ADSS1: variants seen among roughly 807,000 people sequenced by gnomAD.
The protein encoded by ADSS1 is adenylosuccinate synthase 1.
Under a neutral mutation model 59.1 loss-of-function variants are expected in ADSS1, and 57 were observed. The observed-to-expected ratio is 0.97, with a 90% CI of 0.78 to 1.20. The LOEUF (loss-of-function observed/expected upper bound fraction) is 1.20, where lower values mean the gene tolerates loss of function less well. Among genes scored for constraint, ADSS1 ranks in the 50% most tolerant of loss-of-function variants. The pLI, the probability that ADSS1 is intolerant of heterozygous loss-of-function variation, is 0.00. For missense variants in ADSS1, 603 were observed against 610.3 expected, an observed-to-expected ratio of 0.99 and a Z score of 0.13; for synonymous variants, 247 against 249.4, an observed-to-expected ratio of 0.99 and a Z score of 0.09.
At position 104,746,909 on chromosome 14, in the gene ADSS1, T is replaced by C. The variant is rs763205643; in HGVS notation, c.1322-42T>C. Reference sequence around the variant, plus strand: ...TAAAGACAACTTTTTCTGAACTTTCTGCCTCCAGTGTGTATCATAACAGTC... The same window carrying C: ...TAAAGACAACTTTTTCTGAACTTTCCGCCTCCAGTGTGTATCATAACAGTC... On this transcript the variant is annotated intron_variant, in intron 12 of 12. Coordinates refer to ENST00000330877, the MANE Select transcript of ADSS1 (RefSeq NM_152328.5). The C allele has an allele frequency of 7.5e-6, 12 of 1,606,442 alleles. No homozygotes were observed. The South Asian group carries it at 9.9e-5, about 13-fold the overall frequency.
intron 1 of ADSS1, among the ~76,000 whole-genome samples, chr14:104,731,088 C>A (rs542775497): frequency 1.3e-5 from 2 of 151,946 alleles, no homozygotes; most frequent in Admixed American, 1.3e-4. Context: ...CCACCAGGCT[C>A]CCTTGGTGCC....
chr14:104,747,027 A>G lies in ADSS1; in HGVS notation c.*24A>G. ...AGTCACAGACTGAGCTGATCCCAAC[A>G]GGCCCTGGCAGCGTCTGGACTTGTG... On this transcript the variant is annotated 3_prime_UTR_variant, in exon 13 of 13. Transcript: ENST00000330877. The G allele has an allele frequency of 6.2e-7, 1 of 1,603,684 alleles. No individual in the cohort carries two copies. The highest frequency in any genetic ancestry group is 8.5e-7 in the Non-Finnish European group (1 of 1,171,508).
rs765056945 is a variant in ADSS1, at chr14:104,738,343, A to ACTCTGTCTCTCATGC, written c.296-17_296-3dup. The ACTCTGTCTCTCATGC allele has an allele frequency of 8.4e-5, 135 of 1,611,780 alleles. No individual in the cohort carries two copies. The highest frequency in any genetic ancestry group is 1.1e-4 in the Non-Finnish European group (124 of 1,178,368). ...TATGTTTTCCAGTGTCTGGGACACA[A>ACTCTGTCTCTCATGC]CTCTGTCTCTCATGCCTCTGTCTCT... On this transcript the variant is annotated intron_variant, in intron 2 of 12. Coordinates refer to ENST00000330877, the MANE Select transcript of ADSS1 (RefSeq NM_152328.5).
At chr14:104,744,985 C>CA in intron 11 of ADSS1, 76 bp downstream of exon 11, 1 of 1,340,446 alleles carries the variant, frequency 7.5e-7, no homozygotes, top group Non-Finnish European at 1.1e-6. Flanking sequence ...TGTGACTTCT[C>CA]AGAGAGGGGT....
At chr14:104,724,493 ACC>A in intron 1 of ADSS1, 31 bp downstream of exon 1, 1 of 252,966 alleles carries the variant, frequency 4.0e-6, no homozygotes, top group Admixed American at 1.7e-4. Context: ...TCCCTCCCCC[ACC>A]GCCCAGCGAG....
Position 104,735,097 on chromosome 14 carries a change from C to T in ADSS1, c.270C>T (p.Ile90=). ...TCCACCTGCTGCCCAGCGGCATCAT[C>T]AACACCAAGGCCGTGTCCTTCATTG... The part of the protein sequence containing the change: ...YDFHLLPSGI[I]NTKAVSFIGN... Residue 90 remains isoleucine, a synonymous_variant, in exon 2 of 13, where the codon ATC becomes ATT. Coordinates refer to ENST00000330877, the MANE Select transcript of ADSS1 (RefSeq NM_152328.5). 6.2e-7 allele frequency: 1 copy of T among 1,612,786 alleles called. No homozygotes were observed. The highest frequency in any genetic ancestry group is 8.5e-7 in the Non-Finnish European group (1 of 1,179,330).
In ADSS1 at chr14:104,744,900, T is replaced by C; in HGVS notation, c.1162T>C (p.Tyr388His). ...SYKLNGKRIP[Y>H]FPANQEMLQK... ...CAAGCTGAACGGGAAAAGGATTCCC[T>C]ATTTCCCAGGTATGTGAAGTGGGGC... The change falls in exon 11 of 13, where the codon TAT becomes CAT. Residue 388 changes from tyrosine (Y) to histidine (H), a missense_variant. By Grantham distance (83) the Tyr-to-His change is moderately conservative. Transcript: ENST00000330877. 6.2e-7 allele frequency: 1 copy of C among 1,613,968 alleles called. No individual in the cohort carries two copies. Among genetic ancestry groups the C allele is most frequent in the Non-Finnish European group, 8.5e-7 (1 of 1,179,918 alleles).
At chr14:104,739,061 T>C (rs956342029) in intron 3 of ADSS1, among the ~76,000 whole-genome samples, 13 of 152,056 alleles carry the variant, frequency 8.5e-5, no homozygotes, top group African/African-American at 2.9e-4. Context: ...AGCTCTGGCT[T>C]CCCAGCCTGG....
rs1890654060 is a variant in ADSS1 at position 104,724,275 on chromosome 14, C to G, written c.5C>G (p.Ser2Trp). Reference sequence around the variant, plus strand: ...CAGCGGAAGAGCCAAGCCAGCATGTCGGGGACCCGAGCCTCCAACGACCGG... The same window carrying G: ...CAGCGGAAGAGCCAAGCCAGCATGTGGGGGACCCGAGCCTCCAACGACCGG... M[S>W]GTRASNDRPP... is the part of the protein sequence containing the mutation. Residue 2 changes from serine to tryptophan, a missense_variant, in exon 1 of 13, where the codon TCG (serine) becomes TGG (tryptophan). Coordinates refer to ENST00000330877, the MANE Select transcript of ADSS1 (RefSeq NM_152328.5). 8.1e-7 allele frequency: 1 copy of G among 1,229,316 alleles called. No individual in the cohort carries two copies. Among genetic ancestry groups the G allele is most frequent in the Middle Eastern group, 3.1e-4 (1 of 3,184 alleles). The allele number at this position is 1,229,316 out of a possible 1,614,324, so 76.2% of individuals were successfully genotyped here.
At chr14:104,734,091 A>G (rs907968127) in intron 1 of ADSS1, among the ~76,000 whole-genome samples, 1 of 152,224 alleles carries the variant, frequency 6.6e-6, no homozygotes, top group Non-Finnish European at 1.5e-5. Flanking sequence ...GCAATGAGCC[A>G]TCATGGGCCA....
At chr14:104,729,587 GT>G (rs879065240) in intron 1 of ADSS1, 1 of 198,092 alleles carries the variant, frequency 5.0e-6, no homozygotes, top group African/African-American at 4.1e-5. Flanking sequence ...CGTCGGCGTG[GT>G]GGGGAGGAGC....
In ADSS1 at chr14:104,743,204, T is replaced by C; in HGVS notation, c.1073+13T>C. 1 of 1,608,596 alleles carries C rather than the reference T, an allele frequency of 6.2e-7. No homozygotes were observed. ...ACGGATTCACTGCGTAAGCAACCCA[T>C]GCTGCCATCCCCACTGGGACCGTCC... On this transcript the variant is annotated intron_variant, in intron 10 of 12. Coordinates refer to ENST00000330877, the MANE Select transcript of ADSS1 (RefSeq NM_152328.5).
intron 2 of ADSS1, chr14:104,737,542 C>G (rs948222794): frequency 1.3e-5 from 2 of 152,258 alleles, no homozygotes; most frequent in African/African-American, 4.8e-5. Flanking sequence ...AGCTGCACAT[C>G]TACGCGCAGG....
intron 2 of ADSS1, 55 bp from the exon 3 acceptor site, chr14:104,738,321 G>T: frequency 6.3e-7 from 1 of 1,591,194 alleles, no homozygotes; most frequent in Non-Finnish European, 8.6e-7. Context: ...CTTAATGTAT[G>T]TTTTCCAGTG....
chr14:104,726,588 G>C (rs945321130), intron 1 of ADSS1, among the ~76,000 whole-genome samples: 1 of 152,190 alleles, frequency 6.6e-6, no homozygotes. Context: ...GTCGTCAGAG[G>C]CTGGCAGAGG....
intron 1 of ADSS1, among the ~76,000 whole-genome samples, chr14:104,724,857 C>T (rs1890674621): frequency 6.6e-6 from 1 of 152,170 alleles, no homozygotes; most frequent in African/African-American, 2.4e-5. Context: ...CCCCCTTCCT[C>T]ATTTACAGTG....
chr14:104,747,251 T>A lies in ADSS1; in HGVS notation c.*248T>A, dbSNP rs1891599568. The A allele has an allele frequency of 8.0e-6, 3 of 376,302 alleles. No individual in the cohort carries two copies. In the South Asian group the frequency reaches 1.8e-4, roughly 22 times the overall value. The allele number at this position is 376,302 out of a possible 1,614,324, so 23.3% of individuals were successfully genotyped here. On this transcript the variant is annotated 3_prime_UTR_variant, in exon 13 of 13. Coordinates refer to ENST00000330877, the MANE Select transcript of ADSS1 (RefSeq NM_152328.5). ...TCAGAGACCTTCTATGACACATTAG[T>A]GTCACATGGTTGCGTGTCCAGCCGA...
In ADSS1 at chr14:104,746,403, C is replaced by G; in HGVS notation, c.1321+18C>G. The G allele has an allele frequency of 6.2e-7, 1 of 1,605,142 alleles. No homozygotes were observed. Among genetic ancestry groups the G allele is most frequent in the Non-Finnish European group, 8.5e-7 (1 of 1,174,350 alleles). The stretch of plus-strand genomic sequence containing the variant: ...AGTCGCAGGTGGGTGCCCTGCATCC[C>G]CAGCCACCCTCCCTGCACCCTGGAT... On this transcript the variant is annotated intron_variant, in intron 12 of 12. Transcript: ENST00000330877.
chr14:104,741,264 G>A lies in ADSS1; in HGVS notation c.793+21G>A, dbSNP rs551585348. The A allele has an allele frequency of 2.9e-5, 45 of 1,538,340 alleles. 1 individual carries two copies. In the Admixed American group the frequency reaches 3.9e-4, roughly 13 times the overall value. Reference sequence around the variant, plus strand: ...CTTCGGTATGTCCGGGAGGGTGTGCGTGCCAACGACCTTTCGTGCCTGCCA... The same window carrying A: ...CTTCGGTATGTCCGGGAGGGTGTGCATGCCAACGACCTTTCGTGCCTGCCA... On this transcript the variant is annotated intron_variant, in intron 8 of 12. Transcript: ENST00000330877.
Sources: allele counts gnomAD v4.1 joint callset (sites outside exome capture counted in the v4.1 genomes callset), GRCh38; gene constraint gnomAD v4.1.1; transcripts MANE v1.5; gene names NCBI Gene and HGNC (gene_info 2026-07-23, HGNC 2026-07-21).